The following ZFPM2 variants were observed in gnomAD, a reference collection of about 807,000 sequenced individuals.
ZFPM2 encodes the protein zinc finger protein, FOG family member 2.
Under a neutral mutation model 98.6 loss-of-function variants are expected in ZFPM2, and 20 were observed. That is an observed-to-expected ratio of 0.20 (90% CI 0.14 to 0.29). The LOEUF is 0.29. Ranked by LOEUF, ZFPM2 falls within the 10% of genes least tolerant of loss-of-function variation. ZFPM2 has a pLI of 1.00. For synonymous variants in ZFPM2, 518 were observed against 502.7 expected (o/e 1.03, Z -0.41); for missense variants, 1,310 against 1,388.6 (o/e 0.94, Z 0.90).
intron 5 of ZFPM2, among the ~76,000 whole-genome samples, chr8:105,750,035 C>A (rs184514004): frequency 6.6e-6 from 1 of 152,032 alleles, no homozygotes; most frequent in Non-Finnish European, 1.5e-5. Flanking sequence ...TTTGATAATC[C>A]TTGGTCAAGG....
At chr8:105,708,658 G>A (rs1811315534) in intron 5 of ZFPM2, among the ~76,000 whole-genome samples, 1 of 152,128 alleles carries the variant, frequency 6.6e-6, no homozygotes, top group South Asian at 2.1e-4. Context: ...TGCCCAGGCT[G>A]GTTTTTAACT....
intron 4 of ZFPM2, among the ~76,000 whole-genome samples, chr8:105,628,330 A>G (rs1207766777): frequency 6.6e-6 from 1 of 152,224 alleles, no homozygotes; most frequent in South Asian, 2.1e-4. Flanking sequence ...AGCAGGAATT[A>G]TTACAGTCAC....
chr8:105,454,162 C>T lies in ZFPM2; in HGVS notation c.301+9781C>T, dbSNP rs74901174. On this transcript the variant is annotated intron_variant, in intron 3 of 7. Transcript: ENST00000407775. ...TCTTTTCGAATGGAGAGCAGTCTCT[C>T]TCCCCCTACACTCACCCCCCACCCC... is the stretch of plus-strand genomic sequence containing the variant. Among the ~76,000 whole-genome samples, 627 of 152,014 alleles carry T rather than the reference C, an allele frequency of 4.1e-3. 6 individuals are homozygous for T. Among genetic ancestry groups the T allele is most frequent in the African/African-American group, 0.014 (575 of 41,432 alleles).
rs552404330 is a variant in ZFPM2, at chr8:105,799,312, T to C, written c.964+364T>C. Among the ~76,000 whole-genome samples, 12 of 152,340 alleles carry C rather than the reference T, an allele frequency of 7.9e-5. No homozygotes were observed. The South Asian group carries it at 2.5e-3, about 32-fold the overall frequency. On this transcript the variant is annotated intron_variant, in intron 7 of 7. Coordinates refer to ENST00000407775, the MANE Select transcript of ZFPM2 (RefSeq NM_012082.4). ...ACTGATCATAGTGTTTCCTATATGG[T>C]AGGGAAGAAATAATAGGTACATAAA...
chr8:105,340,444 A>G (rs1197817781), intron 1 of ZFPM2, among the ~76,000 whole-genome samples: 1 of 151,976 alleles, frequency 6.6e-6, no homozygotes, highest in Non-Finnish European at 1.5e-5. Context: ...AAACTCTGGC[A>G]ATCATATACA....
At chr8:105,487,438 A>G (rs1308978930) in intron 3 of ZFPM2, among the ~76,000 whole-genome samples, 2 of 152,084 alleles carry the variant, frequency 1.3e-5, no homozygotes, top group Admixed American at 1.3e-4. Context: ...CATATTATAC[A>G]TCTAAGTTTT....
chr8:105,398,329 A>G (rs1342957538), intron 1 of ZFPM2, among the ~76,000 whole-genome samples: 1 of 152,216 alleles, frequency 6.6e-6, no homozygotes, highest in African/African-American at 2.4e-5. Flanking sequence ...ATTGCATAGC[A>G]CTCAGTGATA....
intron 5 of ZFPM2, among the ~76,000 whole-genome samples, chr8:105,727,499 A>T (rs1811839932): frequency 6.6e-6 from 1 of 151,808 alleles, no homozygotes; most frequent in African/African-American, 2.4e-5. Context: ...AAAATGAAAT[A>T]AAGTTTTACT....
chr8:105,674,622 A>G (rs1817655018), intron 5 of ZFPM2, among the ~76,000 whole-genome samples: 1 of 152,178 alleles, frequency 6.6e-6, no homozygotes, highest in Admixed American at 6.6e-5. Flanking sequence ...GATGAAGGGG[A>G]AACCACCGAA....
chr8:105,607,614 A>T (rs952646016), intron 4 of ZFPM2, among the ~76,000 whole-genome samples: 3 of 152,064 alleles, frequency 2.0e-5, no homozygotes, highest in African/African-American at 7.2e-5. Flanking sequence ...TATTTGTGGC[A>T]ACAGATGGCC....
At chr8:105,651,887 C>T (rs1817186026) in intron 5 of ZFPM2, among the ~76,000 whole-genome samples, 1 of 152,138 alleles carries the variant, frequency 6.6e-6, no homozygotes, top group African/African-American at 2.4e-5. Context: ...AATGGATTCT[C>T]CCCATGTCTC....
intron 3 of ZFPM2, among the ~76,000 whole-genome samples, chr8:105,463,986 C>T (rs916718628): frequency 2.6e-5 from 4 of 152,046 alleles, no homozygotes; most frequent in Non-Finnish European, 1.5e-5. Context: ...CCCGCCTCCC[C>T]GCTAGGCTGT....
At chr8:105,456,687 T>C (rs1055855547) in intron 3 of ZFPM2, among the ~76,000 whole-genome samples, 3 of 152,180 alleles carry the variant, frequency 2.0e-5, no homozygotes, top group Admixed American at 6.5e-5. Flanking sequence ...TGCTTGTTTG[T>C]TTTGAGATGG....
intron 1 of ZFPM2, among the ~76,000 whole-genome samples, chr8:105,394,577 T>C (rs1811184596): frequency 6.6e-6 from 1 of 152,194 alleles, no homozygotes. Flanking sequence ...AACAAAACTT[T>C]TAAACAAAAA....
chr8:105,651,501 G>A (rs1395904382), intron 5 of ZFPM2, among the ~76,000 whole-genome samples: 1 of 150,122 alleles, frequency 6.7e-6, no homozygotes, highest in Non-Finnish European at 1.5e-5. Flanking sequence ...TCCCTTGCTT[G>A]CTTATATCTA....
At chr8:105,655,140 C>T (rs1817257367) in intron 5 of ZFPM2, among the ~76,000 whole-genome samples, 1 of 150,854 alleles carries the variant, frequency 6.6e-6, no homozygotes, top group African/African-American at 2.4e-5. Flanking sequence ...TTATAATATT[C>T]AGACCATGAG....
chr8:105,511,830 T>G (rs1813824070), intron 3 of ZFPM2, among the ~76,000 whole-genome samples: 1 of 152,164 alleles, frequency 6.6e-6, no homozygotes, highest in South Asian at 2.1e-4. Context: ...GTTATGGTAC[T>G]CAAGAGTGAA....
intron 1 of ZFPM2, among the ~76,000 whole-genome samples, chr8:105,379,835 T>G (rs1319570778): frequency 6.6e-6 from 1 of 152,138 alleles, no homozygotes; most frequent in Non-Finnish European, 1.5e-5. Context: ...ATATTAATTT[T>G]CTTTTTTGAC....
intron 4 of ZFPM2, among the ~76,000 whole-genome samples, chr8:105,632,660 GGATAACTT>G (rs2130836718): frequency 6.6e-6 from 1 of 152,080 alleles, no homozygotes; most frequent in African/African-American, 2.4e-5. Flanking sequence ...ATAACAATAG[GGATAACTT>G]GATAACATTT....
Sources: gnomAD v4.1 joint callset for allele counts (sites outside exome capture counted in the v4.1 genomes callset) on GRCh38, gnomAD v4.1.1 for gene constraint, MANE v1.5 for transcripts, NCBI Gene and HGNC (gene_info 2026-07-23, HGNC 2026-07-21) for gene names.